CSMD1: variants seen among roughly 807,000 people sequenced by gnomAD.
CSMD1 encodes the protein CUB and Sushi multiple domains 1, also known as CUB and sushi domain-containing protein 1.
CSMD1 carries 213 observed loss-of-function variants against 417.5 expected under a neutral mutation model. That is an observed-to-expected ratio of 0.51 (90% CI 0.46 to 0.57). CSMD1 has a LOEUF of 0.57. Ranked by LOEUF, CSMD1 falls within the 20% of genes least tolerant of loss-of-function variation. The pLI is 0.00. For missense variants in CSMD1, 6,923 were observed against 4,529.7 expected, an observed-to-expected ratio of 1.53 and a Z score of -15.17; for synonymous variants, 2,862 against 1,736.8, an observed-to-expected ratio of 1.65 and a Z score of -16.11.
chr8:4,951,609 T>A (rs1330119568), intron 1 of CSMD1, among the ~76,000 whole-genome samples: 1 of 151,670 alleles, frequency 6.6e-6, no homozygotes, highest in African/African-American at 2.4e-5. Flanking sequence ...CCTGCGGGGT[T>A]TTTTTAATGC....
At chr8:4,834,456 T>A (rs1470612989) in intron 1 of CSMD1, among the ~76,000 whole-genome samples, 1 of 152,130 alleles carries the variant, frequency 6.6e-6, no homozygotes, top group Non-Finnish European at 1.5e-5. Flanking sequence ...CACATGCCCA[T>A]GTATTCACGC....
rs1420411670 is a variant in CSMD1, at chr8:3,777,149, C to G, written c.819-23107G>C. 3.3e-5 allele frequency among the ~76,000 whole-genome samples: 5 copies of G among 151,188 alleles called. No homozygotes were observed. In the South Asian group the frequency reaches 1.0e-3, roughly 32 times the overall value. ...ACACACACACACACACACACACACA[C>G]ACACACACACATCATATATATATGT... On this transcript the variant is annotated intron_variant, in intron 5 of 69. Transcript: ENST00000635120.
At chr8:4,713,250 A>G (rs577487965) in intron 1 of CSMD1, among the ~76,000 whole-genome samples, 1 of 152,364 alleles carries the variant, frequency 6.6e-6, no homozygotes, top group African/African-American at 2.4e-5. Context: ...ACTCAAGTAC[A>G]GAAGGAATGC....
At chr8:4,167,561 A>T (rs1797524687) in intron 3 of CSMD1, among the ~76,000 whole-genome samples, 1 of 152,318 alleles carries the variant, frequency 6.6e-6, no homozygotes, top group South Asian at 2.1e-4. Flanking sequence ...TGCAGAAATT[A>T]GCAGCAAAAA....
chr8:4,136,325 G>C (rs1230442758), intron 3 of CSMD1, among the ~76,000 whole-genome samples: 5 of 152,134 alleles, frequency 3.3e-5, no homozygotes, highest in Non-Finnish European at 7.4e-5. Context: ...TCACTATCTT[G>C]ATCTGTTAGT....
chr8:3,033,237 G>A (rs1478028015), intron 50 of CSMD1, among the ~76,000 whole-genome samples: 1 of 152,012 alleles, frequency 6.6e-6, no homozygotes, highest in Non-Finnish European at 1.5e-5. Flanking sequence ...CTTTGATTTA[G>A]ATGCAAATTT....
chr8:3,512,066 G>T (rs1488834830), intron 10 of CSMD1, among the ~76,000 whole-genome samples: 1 of 152,072 alleles, frequency 6.6e-6, no homozygotes, highest in Non-Finnish European at 1.5e-5. Flanking sequence ...TGTGGCCCTA[G>T]AGAGTTACTT....
chr8:3,514,676 T>C (rs1280406652), intron 10 of CSMD1, among the ~76,000 whole-genome samples: 2 of 152,194 alleles, frequency 1.3e-5, no homozygotes, highest in South Asian at 2.1e-4. Context: ...TTTTATCATA[T>C]TTGTAGGTAT....
At chr8:3,349,905 T>TATATTATATATA (rs1808290156) in intron 21 of CSMD1, among the ~76,000 whole-genome samples, 1 of 141,338 alleles carries the variant, frequency 7.1e-6, no homozygotes, top group South Asian at 2.2e-4. Flanking sequence ...AATATATATT[T>TATATTATATATA]ATATATATTT....
chr8:4,704,371 A>G lies in CSMD1; in HGVS notation c.86-66813T>C, dbSNP rs1386632879. The stretch of plus-strand genomic sequence containing the variant: ...GGACTTGATTACAGTACTTATTGCA[A>G]TCAGTAAGAATCTCAGTTGTTTATT... On this transcript the variant is annotated intron_variant, in intron 1 of 69. Transcript: ENST00000635120. Among the ~76,000 whole-genome samples the G allele has an allele frequency of 2.0e-5, 3 of 152,344 alleles. 1 individual carries two copies. Among genetic ancestry groups the G allele is most frequent in the Middle Eastern group, 6.8e-3 (2 of 294 alleles).
chr8:3,096,279 C>A (rs1243133803), intron 47 of CSMD1, among the ~76,000 whole-genome samples: 1 of 152,144 alleles, frequency 6.6e-6, no homozygotes, highest in Non-Finnish European at 1.5e-5. Flanking sequence ...CCTCCCAAAT[C>A]TCTTCTTGAA....
intron 3 of CSMD1, among the ~76,000 whole-genome samples, chr8:4,396,645 ATATC>A (rs1370662910): frequency 1.3e-5 from 2 of 151,894 alleles, no homozygotes; most frequent in African/African-American, 4.8e-5. Context: ...ACACACATAA[ATATC>A]TATATATCTC....
At chr8:4,279,972 A>C (rs917609025) in intron 3 of CSMD1, among the ~76,000 whole-genome samples, 2 of 152,216 alleles carry the variant, frequency 1.3e-5, no homozygotes, top group Non-Finnish European at 2.9e-5. Flanking sequence ...ACATCAAAGG[A>C]TACTGGTGTT....
intron 3 of CSMD1, among the ~76,000 whole-genome samples, chr8:4,100,561 T>C (rs369029877): frequency 3.0e-4 from 46 of 152,184 alleles, no homozygotes; most frequent in African/African-American, 1.1e-3. Flanking sequence ...AAAGAATGTA[T>C]AAAGAGAACA....
chr8:4,016,373 G>T (rs1329457672), intron 4 of CSMD1, among the ~76,000 whole-genome samples: 1 of 152,064 alleles, frequency 6.6e-6, no homozygotes, highest in Non-Finnish European at 1.5e-5. Context: ...TGCCTGAATT[G>T]GCTTCCCGAG....
rs181537107 is a variant in CSMD1, at chr8:4,532,634, G to A, written c.302+104708C>T. On this transcript the variant is annotated intron_variant, in intron 2 of 69. Coordinates refer to ENST00000635120, the MANE Select transcript of CSMD1 (RefSeq NM_033225.6). ...ACCGCCATTCAGAGTCACTCTGGAA[G>A]AGAAATCCTGCACCCCCATTCAGTC... 6.4e-3 allele frequency among the ~76,000 whole-genome samples: 882 copies of A among 138,124 alleles called. 20 individuals are homozygous for A. The highest frequency in any genetic ancestry group is 0.053 in the East Asian group (224 of 4,208). The allele number at this position is 138,124 out of a possible 152,430, so 90.6% of individuals were successfully genotyped here.
chr8:4,274,045 T>C (rs1424584517), intron 3 of CSMD1, among the ~76,000 whole-genome samples: 1 of 152,062 alleles, frequency 6.6e-6, no homozygotes, highest in South Asian at 2.1e-4. Flanking sequence ...AAATGCAGAG[T>C]TGAAGTAAGA....
At chr8:3,729,655 G>C (rs574228548) in intron 6 of CSMD1, among the ~76,000 whole-genome samples, 1 of 149,768 alleles carries the variant, frequency 6.7e-6, no homozygotes, top group Admixed American at 6.6e-5. Flanking sequence ...GGAAGCGATG[G>C]GGGCTACCAG....
At chr8:3,862,256 G>T (rs567172462) in intron 5 of CSMD1, among the ~76,000 whole-genome samples, 15 of 152,228 alleles carry the variant, frequency 9.9e-5, no homozygotes, top group Middle Eastern at 3.4e-3. Context: ...CTTCCACTTA[G>T]GGGACTGTGA....
Sources: gnomAD v4.1 joint callset for allele counts (sites outside exome capture counted in the v4.1 genomes callset) on GRCh38, gnomAD v4.1.1 for gene constraint, MANE v1.5 for transcripts, NCBI Gene and HGNC (gene_info 2026-07-23, HGNC 2026-07-21) for gene names.